The following HIF1A variants were observed in gnomAD, a reference collection of about 807,000 sequenced individuals.
HIF1A encodes hypoxia-inducible factor 1-alpha.
HIF1A carries 24 observed loss-of-function variants against 92.7 expected under a neutral mutation model. The ratio of observed to expected loss-of-function variants is 0.26; its 90% CI spans 0.19 to 0.36. The LOEUF (loss-of-function observed/expected upper bound fraction) is 0.36, where lower values mean the gene tolerates loss of function less well. Among genes scored for constraint, HIF1A ranks in the 10% least tolerant of loss-of-function variants. The pLI is 1.00. For missense variants in HIF1A, 799 were observed against 998.5 expected, an observed-to-expected ratio of 0.80 and a Z score of 2.69; for synonymous variants, 319 against 338.7, an observed-to-expected ratio of 0.94 and a Z score of 0.64.
chr14:61,744,249 G>T (rs79865957), intron 12 of HIF1A, among the ~76,000 whole-genome samples: 2,574 of 152,106 alleles, frequency 0.017, 112 homozygotes, highest in East Asian at 0.15. Context: ...AAGCTTTGAC[G>T]GCCAGGTGCT....
chr14:61,707,711 G>C (rs1466308926), intron 1 of HIF1A, among the ~76,000 whole-genome samples: 2 of 150,504 alleles, frequency 1.3e-5, no homozygotes, highest in African/African-American at 4.9e-5. Flanking sequence ...TATCATTATT[G>C]GACATTTGGG....
intron 1 of HIF1A, among the ~76,000 whole-genome samples, chr14:61,696,115 G>A (rs2044112554): frequency 6.6e-6 from 1 of 152,140 alleles, no homozygotes; most frequent in Non-Finnish European, 1.5e-5. Context: ...GGCCGTGGGG[G>A]CCTCGCGCCG....
chr14:61,704,163 CTTAA>C (rs1324757058), intron 1 of HIF1A, among the ~76,000 whole-genome samples: 6 of 152,230 alleles, frequency 3.9e-5, no homozygotes, highest in Admixed American at 1.3e-4. Flanking sequence ...AAAGTAAGGG[CTTAA>C]TTAAGTAGAA....
rs144630332 is a variant in HIF1A at position 61,741,161 on chromosome 14, A to C, written c.2066A>C (p.Asn689Thr). 9.1e-5 allele frequency: 146 copies of C among 1,605,410 alleles called. No homozygotes were observed. The African/African-American group carries it at 1.7e-3, about 19-fold the overall frequency. The change falls in exon 12 of 15, where the codon AAC (asparagine) becomes ACC (threonine). Residue 689 changes from asparagine (N) to threonine (T), a missense_variant. Around this residue, in one of 2 missense-constraint regions of HIF1A, gnomAD observed 283 missense variants for 277.5 expected, o/e 1.02. Coordinates refer to ENST00000337138, the MANE Select transcript of HIF1A (RefSeq NM_001530.4). ...GAAAAATCTCATCCAAGAAGCCCTA[A>C]CGTGTTATCTGTCGCTTTGAGTCAA... ...QTEKSHPRSPNVLSVALSQRT... is the reference protein window; with the variant it reads ...QTEKSHPRSPTVLSVALSQRT...
At chr14:61,699,400 T>A (rs1370801849) in intron 1 of HIF1A, among the ~76,000 whole-genome samples, 1 of 152,208 alleles carries the variant, frequency 6.6e-6, no homozygotes, top group East Asian at 1.9e-4. Flanking sequence ...TACATTCTAT[T>A]CTTGTATGTC....
intron 7 of HIF1A, among the ~76,000 whole-genome samples, chr14:61,732,757 CT>C (rs1039600834): frequency 6.6e-5 from 10 of 152,150 alleles, no homozygotes; most frequent in Non-Finnish European, 2.9e-5. Flanking sequence ...AATACAAAGA[CT>C]TTTGAAAATC....
chr14:61,702,330 A>G (rs191113350), intron 1 of HIF1A, among the ~76,000 whole-genome samples: 4 of 148,614 alleles, frequency 2.7e-5, no homozygotes, highest in Non-Finnish European at 6.0e-5. Context: ...AATCCCAGCT[A>G]CTCGGAGGCT....
At chr14:61,729,619 C>G (rs546607486) in intron 6 of HIF1A, among the ~76,000 whole-genome samples, 9 of 152,186 alleles carry the variant, frequency 5.9e-5, no homozygotes, top group African/African-American at 2.2e-4. Context: ...AAGGTGTTTA[C>G]TACTAGCATG....
intron 1 of HIF1A, among the ~76,000 whole-genome samples, chr14:61,707,312 T>A (rs1038121283): frequency 8.5e-5 from 13 of 152,192 alleles, no homozygotes; most frequent in African/African-American, 2.9e-4. Flanking sequence ...GTGTTTTTTT[T>A]TTCTTTATTA....
Position 61,734,149 on chromosome 14 carries a change from G to A in HIF1A, c.892G>A (p.Gly298Arg). The A allele has an allele frequency of 1.9e-6, 3 of 1,569,738 alleles. No homozygotes were observed. Among genetic ancestry groups the A allele is most frequent in the Non-Finnish European group, 2.6e-6 (3 of 1,162,246 alleles). The part of the protein sequence containing the change: ...TKTHHDMFTK[G>R]QVTTGQYRML... ...CTTTTCCCCCCTAGTGTTTACTAAA[G>A]GACAAGTCACCACAGGACAGTACAG... The change falls in exon 8 of 15, where the codon GGA (glycine) becomes AGA (arginine). Residue 298 changes from glycine (G) to arginine (R), a missense_variant. This residue lies in a region of HIF1A where 516 missense variants were observed against 721.0 expected (regional missense o/e 0.72). Coordinates refer to ENST00000337138, the MANE Select transcript of HIF1A (RefSeq NM_001530.4).
At chr14:61,736,784 C>T (rs1555339166) in intron 8 of HIF1A, 105 bp from the exon 9 acceptor site, 2 of 708,864 alleles carry the variant, frequency 2.8e-6, no homozygotes, top group Non-Finnish European at 4.8e-6. Flanking sequence ...TTGAAATGTT[C>T]CTGTCCATAA....
chr14:61,702,717 T>A (rs2140118822), intron 1 of HIF1A, among the ~76,000 whole-genome samples: 1 of 152,298 alleles, frequency 6.6e-6, no homozygotes, highest in Admixed American at 6.5e-5. Context: ...ATTTTAATGT[T>A]AATGAAATTT....
intron 5 of HIF1A, among the ~76,000 whole-genome samples, chr14:61,727,085 T>C (rs776266870): frequency 6.6e-6 from 1 of 152,236 alleles, no homozygotes; most frequent in Non-Finnish European, 1.5e-5. Context: ...CACACAATAT[T>C]TGAATCCTGA....
At chr14:61,742,615 G>A (rs975744948) in intron 12 of HIF1A, among the ~76,000 whole-genome samples, 1 of 152,154 alleles carries the variant, frequency 6.6e-6, no homozygotes, top group African/African-American at 2.4e-5. Flanking sequence ...GCAGGGCGCA[G>A]TGGCTCATCA....
intron 1 of HIF1A, among the ~76,000 whole-genome samples, chr14:61,709,192 T>C (rs954971086): frequency 7.9e-5 from 12 of 152,318 alleles, no homozygotes; most frequent in African/African-American, 2.6e-4. Flanking sequence ...CCACTGCACC[T>C]GGCACAATAC....
At chr14:61,746,128 G>A (rs1269907925) in intron 14 of HIF1A, among the ~76,000 whole-genome samples, 1 of 151,076 alleles carries the variant, frequency 6.6e-6, no homozygotes, top group Non-Finnish European at 1.5e-5. Flanking sequence ...GGAGGCTGAG[G>A]CATGAGAATT....
intron 14 of HIF1A, 117 bp from the exon 15 acceptor site, chr14:61,746,817 C>A: frequency 1.3e-6 from 1 of 754,360 alleles, no homozygotes; most frequent in South Asian, 2.1e-5. Context: ...GCCAGGTAAA[C>A]TAAAAACCCT....
At position 61,736,954 on chromosome 14, in the gene HIF1A, A is replaced by G. The variant is rs543260409; in HGVS notation, c.1094A>G (p.Glu365Gly). 6.2e-7 allele frequency: 1 copy of G among 1,614,122 alleles called. No homozygotes were observed. Among genetic ancestry groups the G allele is most frequent in the South Asian group, 1.1e-5 (1 of 91,080 alleles). ...ACAGAATGTGTCCTTAAACCGGTTG[A>G]ATCTTCAGATATGAAAATGACTCAG... ...QQTECVLKPV[E>G]SSDMKMTQLF... is the part of the protein sequence containing the mutation. Residue 365 changes from glutamate (E) to glycine (G), a missense_variant, in exon 9 of 15, where the codon GAA (glutamate) becomes GGA (glycine). Physicochemically the swap from Glu to Gly is moderately conservative, Grantham distance 98 (BLOSUM62 -2). This residue lies in a region of HIF1A where 516 missense variants were observed against 721.0 expected (regional missense o/e 0.72). Transcript: ENST00000337138.
intron 8 of HIF1A, among the ~76,000 whole-genome samples, chr14:61,736,139 G>A (rs1396204679): frequency 1.3e-5 from 2 of 151,546 alleles, no homozygotes; most frequent in African/African-American, 2.4e-5. Flanking sequence ...CCACCACACC[G>A]GGCTAATTTT....
Sources: gnomAD v4.1 joint callset for allele counts (sites outside exome capture counted in the v4.1 genomes callset) on GRCh38, gnomAD v4.1.1 for gene constraint, gnomAD v4.1.1 regional missense constraint, MANE v1.5 for transcripts, NCBI Gene and HGNC (gene_info 2026-07-23, HGNC 2026-07-21) for gene names.